The following RIMBP2 variants were observed in gnomAD, a reference collection of about 807,000 sequenced individuals.
RIMBP2 encodes RIMS binding protein 2, also known as RIMS-binding protein 2.
A neutral mutation model predicts 118.6 loss-of-function variants in RIMBP2; 48 were observed. That is an observed-to-expected ratio of 0.40 (90% CI 0.32 to 0.51). RIMBP2 has a LOEUF of 0.51. Ranked by LOEUF, RIMBP2 falls within the 20% of genes least tolerant of loss-of-function variation. RIMBP2 has a pLI of 0.41. For synonymous variants in RIMBP2, 762 were observed against 742.9 expected (o/e 1.03, Z -0.42); for missense variants, 1,551 against 1,768.3 (o/e 0.88, Z 2.20).
At chr12:130,566,319 C>T (rs1281803002) in intron 2 of RIMBP2, among the ~76,000 whole-genome samples, 1 of 152,134 alleles carries the variant, frequency 6.6e-6, no homozygotes, top group Non-Finnish European at 1.5e-5. Flanking sequence ...ACAAGAGGTG[C>T]AAGGTGGCTT....
chr12:130,661,319 C>T (rs958616262), intron 1 of RIMBP2, among the ~76,000 whole-genome samples: 16 of 152,172 alleles, frequency 1.1e-4, no homozygotes, highest in African/African-American at 3.9e-4. Context: ...GTGATTGGCT[C>T]AGGGCTAGAC....
At position 130,396,543 on chromosome 12, in the gene RIMBP2, GA is replaced by G. The variant is rs2074090138; in HGVS notation, c.*817del. 1 of 152,588 alleles carries G rather than the reference GA, an allele frequency of 6.6e-6. No homozygotes were observed. Among genetic ancestry groups the G allele is most frequent in the Admixed American group, 6.5e-5 (1 of 15,286 alleles). The allele number at this position is 152,588 out of a possible 1,614,324, so 9.5% of individuals were successfully genotyped here. On this transcript the variant is annotated 3_prime_UTR_variant, in exon 23 of 23. Transcript: ENST00000690449. The stretch of plus-strand genomic sequence containing the variant: ...TTTGGTGTGGCTTATGCATTATGTG[GA>G]TTACTTGTGTGCCATTCATTGCTGT...
intron 19 of RIMBP2, among the ~76,000 whole-genome samples, chr12:130,411,508 T>C (rs1372104318): frequency 6.6e-6 from 1 of 152,120 alleles, no homozygotes; most frequent in Non-Finnish European, 1.5e-5. Context: ...CACATAGATA[T>C]ATCAGGCTAG....
intron 2 of RIMBP2, among the ~76,000 whole-genome samples, chr12:130,606,415 C>A (rs1594010852): frequency 6.6e-6 from 1 of 152,260 alleles, no homozygotes; most frequent in Non-Finnish European, 1.5e-5. Context: ...GACGCGTGGG[C>A]AGGGAGTCGC....
chr12:130,675,669 G>A lies in RIMBP2; in HGVS notation c.-352+40553C>T, dbSNP rs951983417. Among the ~76,000 whole-genome samples the A allele has an allele frequency of 2.0e-5, 3 of 152,190 alleles. No individual in the cohort carries two copies. In the East Asian group the frequency reaches 5.8e-4, roughly 29 times the overall value. ...AGCCACACCAATCAGATCGGTTTCAGCTTTATACAAAGAAAGAATCCACGT... is the reference window on the plus strand; with the variant it reads ...AGCCACACCAATCAGATCGGTTTCAACTTTATACAAAGAAAGAATCCACGT... On this transcript the variant is annotated intron_variant, in intron 1 of 22. Transcript: ENST00000690449.
chr12:130,494,906 T>C (rs2138532994), intron 4 of RIMBP2, among the ~76,000 whole-genome samples: 1 of 152,318 alleles, frequency 6.6e-6, no homozygotes, highest in South Asian at 2.1e-4. Context: ...AATCCAGGTG[T>C]CGGCAGGGCC....
intron 2 of RIMBP2, among the ~76,000 whole-genome samples, chr12:130,573,642 C>A (rs1339334459): frequency 6.6e-6 from 1 of 152,076 alleles, no homozygotes; most frequent in Admixed American, 6.5e-5. Flanking sequence ...GGCTGACCCC[C>A]ACCTGGGGGG....
chr12:130,480,231 ACACACC>A (rs2138129877), intron 4 of RIMBP2, among the ~76,000 whole-genome samples: 1 of 100,866 alleles, frequency 9.9e-6, no homozygotes, highest in South Asian at 3.2e-4. Flanking sequence ...ACACACACAC[ACACACC>A]TGTGGTAACT....
At position 130,617,650 on chromosome 12, in the gene RIMBP2, A is replaced by G. The variant is rs372491209; in HGVS notation, c.-217+10672T>C. On this transcript the variant is annotated intron_variant, in intron 2 of 22. Transcript: ENST00000690449. This position sits in a 1 kb window ranked among gnomAD's most constrained non-coding sequence, Gnocchi z 4.6. Reference sequence around the variant, plus strand: ...TTCAGCTGAAGCTTCAGAAAGTAACAGAGAGGGCCTTGGGCTGAGTGTCTA... The same window carrying G: ...TTCAGCTGAAGCTTCAGAAAGTAACGGAGAGGGCCTTGGGCTGAGTGTCTA... 5.9e-5 allele frequency among the ~76,000 whole-genome samples: 9 copies of G among 152,222 alleles called. No individual in the cohort carries two copies. Among genetic ancestry groups the G allele is most frequent in the African/African-American group, 1.7e-4 (7 of 41,456 alleles).
At chr12:130,632,046 T>A (rs1318956185) in intron 1 of RIMBP2, among the ~76,000 whole-genome samples, 1 of 152,242 alleles carries the variant, frequency 6.6e-6, no homozygotes, top group East Asian at 1.9e-4. Context: ...AAAACATTTT[T>A]AAAAATCTAT....
Position 130,437,234 on chromosome 12 carries a change from G to C in RIMBP2, c.1714C>G (p.Arg572Gly). The C allele has an allele frequency of 6.3e-7, 1 of 1,585,440 alleles. No individual in the cohort carries two copies. Residue 572 changes from arginine (R) to glycine (G), a missense_variant, in exon 13 of 23, where the codon CGG becomes GGG. By Grantham distance (125) the Arg-to-Gly change is moderately radical (BLOSUM62 -2). This residue lies in a region of RIMBP2 where 1,038 missense variants were observed against 1,125.1 expected (regional missense o/e 0.92). Transcript: ENST00000690449. ...DSTAVELVRLRSLEAKGVTVR... is the reference protein window; with the variant it reads ...DSTAVELVRLGSLEAKGVTVR... ...GTCACGCCCTTGGCCTCCAGGCTCCGCAGCCGCACAAGCTCCACGGCCGTG... is the reference window on the plus strand; with the variant it reads ...GTCACGCCCTTGGCCTCCAGGCTCCCCAGCCGCACAAGCTCCACGGCCGTG...
rs554673976 is a variant in RIMBP2 at position 130,601,236 on chromosome 12, G to A, written c.-217+27086C>T. Reference sequence around the variant, plus strand: ...AGCTAAAACTGAGTTAGTCCAGGCCGCCGGAGCTCTCACCTGAGTGAAATC... The same window carrying A: ...AGCTAAAACTGAGTTAGTCCAGGCCACCGGAGCTCTCACCTGAGTGAAATC... On this transcript the variant is annotated intron_variant, in intron 2 of 22. Transcript: ENST00000690449. Among the ~76,000 whole-genome samples, 5 of 149,732 alleles carry A rather than the reference G, an allele frequency of 3.3e-5. No individual in the cohort carries two copies. In the South Asian group the frequency reaches 6.3e-4, roughly 19 times the overall value.
At chr12:130,496,980 G>A (rs2049234031) in intron 4 of RIMBP2, among the ~76,000 whole-genome samples, 1 of 152,138 alleles carries the variant, frequency 6.6e-6, no homozygotes, top group South Asian at 2.1e-4. Context: ...TCGAGGTGTG[G>A]ACAGGGCCAT....
intron 2 of RIMBP2, among the ~76,000 whole-genome samples, chr12:130,572,967 A>G (rs1469384746): frequency 4.6e-5 from 7 of 152,140 alleles, no homozygotes; most frequent in Admixed American, 3.3e-4. Flanking sequence ...CCGGGGGGAC[A>G]GAGCTGTCCA....
chr12:130,623,085 G>T lies in RIMBP2; in HGVS notation c.-217+5237C>A, dbSNP rs1020920646. Among the ~76,000 whole-genome samples, 24 of 152,132 alleles carry T rather than the reference G, an allele frequency of 1.6e-4. No homozygotes were observed. Among genetic ancestry groups the T allele is most frequent in the African/African-American group, 5.6e-4 (23 of 41,410 alleles). On this transcript the variant is annotated intron_variant, in intron 2 of 22. Coordinates refer to ENST00000690449, the MANE Select transcript of RIMBP2 (RefSeq NM_001393629.1). The surrounding 1 kb of genome is among the most constrained non-coding windows in gnomAD (Gnocchi z 4.1). ...GTAGTGTACAAAATCAGGTTGCTGG[G>T]CTACTTACACAAATACATATAAAAC... is the stretch of plus-strand genomic sequence containing the variant.
rs182074336 is a variant in RIMBP2, at chr12:130,637,362, G to A, written c.-351-8906C>T. ...CCCAGCCTAGAGCAGTGCCTGGAAC[G>A]CAGGAAACACTGGATTGACACATTT... On this transcript the variant is annotated intron_variant, in intron 1 of 22. Transcript: ENST00000690449. Among the ~76,000 whole-genome samples the A allele has an allele frequency of 8.1e-4, 124 of 152,326 alleles. 1 individual carries two copies. Among genetic ancestry groups the A allele is most frequent in the East Asian group, 5.8e-4 (3 of 5,170 alleles).
intron 13 of RIMBP2, among the ~76,000 whole-genome samples, chr12:130,436,242 C>G (rs984054084): frequency 3.9e-5 from 6 of 152,218 alleles, no homozygotes; most frequent in African/African-American, 1.4e-4. Context: ...CTACCACAAT[C>G]CACATGCTCT....
At position 130,407,787 on chromosome 12, in the gene RIMBP2, C is replaced by T. The variant is rs771054251; in HGVS notation, c.3632G>A (p.Arg1211Gln). 5 of 1,613,964 alleles carry T rather than the reference C, an allele frequency of 3.1e-6. No homozygotes were observed. The highest frequency in any genetic ancestry group is 2.7e-5 in the African/African-American group (2 of 74,916). ...RSGRRHSVST[R>Q]RMVALYDYDP... ...GTAGTCATACAGGGCCACCATTCTCCGCGTCGATACCGAATGACGCCTGCC... is the reference window on the plus strand; with the variant it reads ...GTAGTCATACAGGGCCACCATTCTCTGCGTCGATACCGAATGACGCCTGCC... Residue 1211 changes from arginine (R) to glutamine (Q), a missense_variant, in exon 20 of 23, where the codon CGG becomes CAG. By Grantham distance (43) the Arg-to-Gln change is conservative. Coordinates refer to ENST00000690449, the MANE Select transcript of RIMBP2 (RefSeq NM_001393629.1).
At chr12:130,583,946 C>G (rs1172662437) in intron 2 of RIMBP2, among the ~76,000 whole-genome samples, 3 of 150,504 alleles carry the variant, frequency 2.0e-5, no homozygotes, top group Non-Finnish European at 4.4e-5. Context: ...CTATCACAAC[C>G]ATCATCGCAT....
Sources: gnomAD v4.1 joint callset for allele counts (sites outside exome capture counted in the v4.1 genomes callset) on GRCh38, gnomAD v4.1.1 for gene constraint, gnomAD v4.1.1 regional missense constraint, Gnocchi (gnomAD v3.1) non-coding constraint, MANE v1.5 for transcripts, NCBI Gene and HGNC (gene_info 2026-07-23, HGNC 2026-07-21) for gene names.